Variants in TRIM5 observed in about 807,000 individuals in gnomAD.
TRIM5 encodes tripartite motif containing 5, also known as tripartite motif-containing protein 5.
A neutral mutation model predicts 35.6 loss-of-function variants in TRIM5; 31 were observed. The ratio of observed to expected loss-of-function variants is 0.87; its 90% CI spans 0.65 to 1.18. The LOEUF is 1.18. Among genes scored for constraint, TRIM5 ranks in the 50% most tolerant of loss-of-function variants. TRIM5 has a pLI of 0.00. For synonymous variants in TRIM5, 243 were observed against 215.6 expected (o/e 1.13, Z -1.11); for missense variants, 609 against 591.6 (o/e 1.03, Z -0.31).
the TRIM5 span, among the ~76,000 whole-genome samples, chr11:5,640,766 C>A: frequency 6.6e-6 from 1 of 152,098 alleles, no homozygotes; most frequent in South Asian, 2.1e-4. Flanking sequence ...CCAGTGAAGC[C>A]ATCTGGGTGA....
At chr11:5,620,703 G>T in the TRIM5 span, among the ~76,000 whole-genome samples, 1 of 152,136 alleles carries the variant, frequency 6.6e-6, no homozygotes, top group African/African-American at 2.4e-5. Flanking sequence ...AGGGGCAGAA[G>T]TACTGTCATG....
At chr11:5,646,884 C>T in the TRIM5 span, among the ~76,000 whole-genome samples, 2 of 152,190 alleles carry the variant, frequency 1.3e-5, no homozygotes, top group African/African-American at 2.4e-5. Flanking sequence ...AATAATTAAT[C>T]TCTCCCTCTC....
chr11:5,662,865 C>T (rs1051492520), downstream of TRIM5, among the ~76,000 whole-genome samples: 1 of 152,192 alleles, frequency 6.6e-6, no homozygotes, highest in Non-Finnish European at 1.5e-5. Context: ...CATGGTGGCT[C>T]ACACCTATAA....
At chr11:5,645,862 T>A in the TRIM5 span, 1 of 108,434 alleles carries the variant, frequency 9.2e-6, no homozygotes. Flanking sequence ...TCATCTAGTC[T>A]TCTGGAAAAA....
chr11:5,667,746 A>G (rs556617867), intron 4 of TRIM5, 35 bp from the exon 5 acceptor site: 1 of 1,610,778 alleles, frequency 6.2e-7, no homozygotes, highest in Admixed American at 1.7e-5. Flanking sequence ...ATTAAGAAAG[A>G]AAGAGTCTCT....
chr11:5,667,643 C>G (rs778840133), intron 5 of TRIM5, 46 bp downstream of exon 5: 1 of 1,602,568 alleles, frequency 6.2e-7, no homozygotes, highest in South Asian at 1.1e-5. Flanking sequence ...GGCTATAAAT[C>G]TCTCCTCACT....
intron 4 of TRIM5, among the ~76,000 whole-genome samples, chr11:5,677,715 C>T (rs931844852): frequency 1.3e-5 from 2 of 152,108 alleles, no homozygotes; most frequent in Non-Finnish European, 2.9e-5. Context: ...AGGCGTGAGC[C>T]ACCGCGCCCA....
the TRIM5 span, chr11:5,641,174 G>A: frequency 1.2e-6 from 2 of 1,613,554 alleles, no homozygotes; most frequent in South Asian, 1.1e-5. Context: ...TAGGACATGA[G>A]TGGAATCATG....
chr11:5,589,956 CG>C, the TRIM5 span: 3 of 154,504 alleles, frequency 1.9e-5, no homozygotes, highest in African/African-American at 7.2e-5. Flanking sequence ...GTGGGCTTGG[CG>C]GGCCCCGCAC....
At chr11:5,669,949 TG>T in intron 4 of TRIM5, 1 of 174,578 alleles carries the variant, frequency 5.7e-6, no homozygotes, top group Non-Finnish European at 1.3e-5. Context: ...CACTCCAGCC[TG>T]GGCAACAGAG....
At chr11:5,629,209 G>C in the TRIM5 span, among the ~76,000 whole-genome samples, 3 of 152,044 alleles carry the variant, frequency 2.0e-5, no homozygotes, top group African/African-American at 4.8e-5. Context: ...CCTGGGAGGC[G>C]GGGGTTGCAG....
chr11:5,610,981 T>C, the TRIM5 span: 1 of 1,614,080 alleles, frequency 6.2e-7, no homozygotes. Context: ...GCCTGGATCC[T>C]GGGGGTATGC....
At chr11:5,599,497 G>T in the TRIM5 span, among the ~76,000 whole-genome samples, 4 of 152,106 alleles carry the variant, frequency 2.6e-5, no homozygotes, top group African/African-American at 9.6e-5. Flanking sequence ...TCCACCTTCC[G>T]GGTTCACGCC....
At chr11:5,632,368 G>A in the TRIM5 span, 1 of 1,614,084 alleles carries the variant, frequency 6.2e-7, no homozygotes, top group African/African-American at 1.3e-5. Flanking sequence ...ACAAGAGGAG[G>A]TGACCTGTCC....
chr11:5,641,240 G>T, the TRIM5 span: 2 of 1,612,872 alleles, frequency 1.2e-6, no homozygotes, highest in East Asian at 4.5e-5. Context: ...AGAAGTGTTT[G>T]TAGCTATTAG....
the TRIM5 span, among the ~76,000 whole-genome samples, chr11:5,601,525 A>C: frequency 1.3e-5 from 2 of 152,144 alleles, no homozygotes; most frequent in Admixed American, 1.3e-4. Flanking sequence ...TGGGAGGCCA[A>C]GGCAGGCAGA....
At chr11:5,596,030 A>C in the TRIM5 span, 3 of 152,470 alleles carry the variant, frequency 2.0e-5, no homozygotes, top group East Asian at 1.9e-4. Context: ...ACTGGTGACC[A>C]CACCCATGGA....
chr11:5,606,819 T>C, the TRIM5 span, among the ~76,000 whole-genome samples: 1 of 152,230 alleles, frequency 6.6e-6, no homozygotes, highest in African/African-American at 2.4e-5. Flanking sequence ...ACTTGAGTAG[T>C]CTTTTCTAAA....
intron 4 of TRIM5, among the ~76,000 whole-genome samples, chr11:5,668,471 T>G (rs543414695): frequency 1.3e-5 from 2 of 152,180 alleles, no homozygotes; most frequent in South Asian, 4.1e-4. Context: ...TCTTTTTTTT[T>G]AAGAAGGAGT....
Sources: gnomAD v4.1 joint callset for allele counts (sites outside exome capture counted in the v4.1 genomes callset) on GRCh38, gnomAD v4.1.1 for gene constraint, MANE v1.5 for transcripts, NCBI Gene and HGNC (gene_info 2026-07-23, HGNC 2026-07-21) for gene names.